Variants in STMND1 observed in about 807,000 individuals in gnomAD.
STMND1 encodes the protein stathmin domain-containing protein 1.
Under a neutral mutation model 23.0 loss-of-function variants are expected in STMND1, and 17 were observed. The observed-to-expected ratio is 0.74, with a 90% CI of 0.51 to 1.11. The LOEUF (loss-of-function observed/expected upper bound fraction) is 1.11. Among genes scored for constraint, STMND1 ranks in the 50% least tolerant of loss-of-function variants. The pLI, the probability that STMND1 is intolerant of heterozygous loss-of-function variation, is 0.00. For missense variants in STMND1, 305 were observed against 329.1 expected, an observed-to-expected ratio of 0.93 and a Z score of 0.57; for synonymous variants, 114 against 119.9, an observed-to-expected ratio of 0.95 and a Z score of 0.32.
chr6:17,116,569 A>C (rs181422498), intron 2 of STMND1, among the ~76,000 whole-genome samples: 2 of 152,124 alleles, frequency 1.3e-5, no homozygotes, highest in Non-Finnish European at 2.9e-5. Context: ...CCCTCTGAGT[A>C]GCTGGGATTA....
chr6:17,102,521 C>T (rs1410755003), intron 1 of STMND1, among the ~76,000 whole-genome samples, 183 bp downstream of exon 1: 2 of 152,060 alleles, frequency 1.3e-5, no homozygotes, highest in Non-Finnish European at 2.9e-5. Context: ...CGGGACTAGA[C>T]GGATGCATAA....
chr6:17,108,889 G>GT, intron 1 of STMND1, among the ~76,000 whole-genome samples: 1 of 152,116 alleles, frequency 6.6e-6, no homozygotes, highest in Admixed American at 6.5e-5. Context: ...TGGAGATGGG[G>GT]TTTTGCCATG....
At chr6:17,104,861 G>A (rs1760997423) in intron 1 of STMND1, among the ~76,000 whole-genome samples, 1 of 152,104 alleles carries the variant, frequency 6.6e-6, no homozygotes, top group African/African-American at 2.4e-5. Flanking sequence ...ACCTCCCTGT[G>A]CCCCAGTTTT....
rs1378934490 is a variant in STMND1 at position 17,130,727 on chromosome 6, G to C, written c.677G>C (p.Gly226Ala). ...AKGLQRVRSA[G>A]FEPSDLQGGK... is the part of the protein sequence containing the mutation. ...GGACTTCAAAGGGTGAGGTCTGCTGGATTTGAACCATCTGACCTGCAGGGA... is the reference window on the plus strand; with the variant it reads ...GGACTTCAAAGGGTGAGGTCTGCTGCATTTGAACCATCTGACCTGCAGGGA... Residue 226 changes from glycine (G) to alanine (A), a missense_variant, in exon 5 of 5, where the codon GGA (glycine) becomes GCA (alanine). Coordinates refer to ENST00000536551, the MANE Select transcript of STMND1 (RefSeq NM_001190766.2). 1 of 1,535,984 alleles carries C rather than the reference G, an allele frequency of 6.5e-7. No individual in the cohort carries two copies.
At chr6:17,126,303 G>T (rs1331137961) in intron 3 of STMND1, among the ~76,000 whole-genome samples, 3 of 151,390 alleles carry the variant, frequency 2.0e-5, no homozygotes, top group Admixed American at 1.3e-4. Flanking sequence ...CTTTCTACAG[G>T]TTTTTTATTT....
chr6:17,115,070 G>T lies in STMND1; in HGVS notation c.190G>T (p.Gly64Ter). 1 of 1,535,892 alleles carries T rather than the reference G, an allele frequency of 6.5e-7. No individual in the cohort carries two copies. The highest frequency in any genetic ancestry group is 8.7e-7 in the Non-Finnish European group (1 of 1,146,816). ...AGAAGGCCTGGAACAAGTCCAGATGGGAAGCTTACCTGGAACCATTTCAGA... is the reference window on the plus strand; with the variant it reads ...AGAAGGCCTGGAACAAGTCCAGATGTGAAGCTTACCTGGAACCATTTCAGA... ...IAEGLEQVQM[G>*]SLPGTISENS... Residue 64 changes from glycine to a stop codon, truncating the protein, a stop_gained, in exon 2 of 5, where the codon GGA becomes TGA. Transcript: ENST00000536551. LOFTEE classifies it high-confidence loss of function.
At chr6:17,105,190 G>C (rs1001493955) in intron 1 of STMND1, among the ~76,000 whole-genome samples, 1 of 152,174 alleles carries the variant, frequency 6.6e-6, no homozygotes, top group Non-Finnish European at 1.5e-5. Context: ...TTTGGTATCC[G>C]AGGGAGGTCC....
intron 3 of STMND1, among the ~76,000 whole-genome samples, chr6:17,126,070 A>ATATATTTTTT (rs1561925814): frequency 4.9e-5 from 1 of 20,532 alleles, no homozygotes; most frequent in Non-Finnish European, 7.3e-5. Context: ...ATATATATAT[A>ATATATTTTTT]TTTTTTTTTT....
intron 1 of STMND1, among the ~76,000 whole-genome samples, chr6:17,107,193 G>A (rs1334218005): frequency 6.6e-6 from 1 of 152,156 alleles, no homozygotes; most frequent in East Asian, 1.9e-4. Flanking sequence ...AGGATGCCTT[G>A]ACAAATTATT....
Position 17,113,645 on chromosome 6 carries a change from T to C in STMND1, c.82-1317T>C, listed in dbSNP as rs529963307. 1.8e-3 allele frequency among the ~76,000 whole-genome samples: 280 copies of C among 151,922 alleles called. No homozygotes were observed. In the Middle Eastern group the frequency reaches 0.02, roughly 11 times the overall value. On this transcript the variant is annotated intron_variant, in intron 1 of 4. Transcript: ENST00000536551. ...ATAAGTCTGCATCACTTTTTTTTTT[T>C]TTTTTTGAGATGGGGTTTCGCCACC...
intron 3 of STMND1, among the ~76,000 whole-genome samples, chr6:17,124,520 A>T (rs1468230828): frequency 1.3e-5 from 2 of 152,224 alleles, no homozygotes; most frequent in Admixed American, 6.5e-5. Context: ...AATCGGGGGC[A>T]TCCCCCATAA....
intron 4 of STMND1, 35 bp downstream of exon 4, chr6:17,129,278 T>C: frequency 2.6e-6 from 4 of 1,526,820 alleles, no homozygotes; most frequent in Non-Finnish European, 3.5e-6. Context: ...GCTTGAGGAG[T>C]TCGCTGTCTG....
At chr6:17,105,804 A>G (rs1761016216) in intron 1 of STMND1, among the ~76,000 whole-genome samples, 1 of 151,970 alleles carries the variant, frequency 6.6e-6, no homozygotes, top group Non-Finnish European at 1.5e-5. Flanking sequence ...GGGCTTCTGT[A>G]GTCCCAGCTA....
chr6:17,104,114 A>G (rs150863110), intron 1 of STMND1, among the ~76,000 whole-genome samples: 84 of 152,180 alleles, frequency 5.5e-4, no homozygotes, highest in African/African-American at 1.9e-3. Flanking sequence ...TCTTCCAGGC[A>G]TCTCACACCT....
At position 17,120,498 on chromosome 6, in the gene STMND1, T is replaced by C; in HGVS notation, c.260-109T>C. On this transcript the variant is annotated intron_variant, in intron 2 of 4. Coordinates refer to ENST00000536551, the MANE Select transcript of STMND1 (RefSeq NM_001190766.2). ...ATAGAAATATATTAAGTGTTGAAACTAAGATCTAATTAAGTAGCATGGTTT... is the reference window on the plus strand; with the variant it reads ...ATAGAAATATATTAAGTGTTGAAACCAAGATCTAATTAAGTAGCATGGTTT... 1.0e-5 allele frequency: 8 copies of C among 766,546 alleles called. No homozygotes were observed. The South Asian group carries it at 2.1e-4, about 20-fold the overall frequency. The allele number at this position is 766,546 out of a possible 1,614,324, so 47.5% of individuals were successfully genotyped here. A position where few individuals can be genotyped will look rare whatever the true frequency, so the allele number is the denominator to read the frequency against.
intron 4 of STMND1, among the ~76,000 whole-genome samples, chr6:17,129,695 T>A (rs1459095051): frequency 6.9e-6 from 1 of 145,296 alleles, no homozygotes; most frequent in Non-Finnish European, 1.5e-5. Context: ...ATACAAAAAA[T>A]TAGCCGGGCG....
intron 3 of STMND1, 90 bp downstream of exon 3, chr6:17,120,848 G>A (rs543122773): frequency 9.5e-7 from 1 of 1,054,632 alleles, no homozygotes; most frequent in East Asian, 2.6e-5. Context: ...GCATATGCAA[G>A]TTACAATACA....
intron 1 of STMND1, among the ~76,000 whole-genome samples, chr6:17,106,281 G>A (rs556385353): frequency 1.7e-4 from 26 of 152,134 alleles, no homozygotes; most frequent in Admixed American, 5.2e-4. Flanking sequence ...ATATTTCAAA[G>A]CATTTTATTA....
chr6:17,115,907 G>A (rs1382016451), intron 2 of STMND1, among the ~76,000 whole-genome samples: 1 of 152,164 alleles, frequency 6.6e-6, no homozygotes, highest in Non-Finnish European at 1.5e-5. Context: ...GCACACTCAG[G>A]TTATCACAGA....
Sources: gnomAD v4.1 joint callset for allele counts (sites outside exome capture counted in the v4.1 genomes callset) on GRCh38, gnomAD v4.1.1 for gene constraint, MANE v1.5 for transcripts, NCBI Gene and HGNC (gene_info 2026-07-23, HGNC 2026-07-21) for gene names.